The following ST6GAL1 variants were observed in gnomAD, a reference collection of about 807,000 sequenced individuals.
ST6GAL1 encodes ST6 beta-galactoside alpha-2,6-sialyltransferase 1, also known as beta-galactoside alpha-2,6-sialyltransferase 1.
Under a neutral mutation model 38.0 loss-of-function variants are expected in ST6GAL1, and 20 were observed. The observed-to-expected ratio is 0.53, with a 90% CI of 0.37 to 0.77. The LOEUF is 0.77. ST6GAL1 is among the 30% of genes least tolerant of loss of function. The pLI is 0.00. For missense variants in ST6GAL1, 432 were observed against 496.4 expected (o/e 0.87, Z 1.23); for synonymous variants, 196 against 188.2 (o/e 1.04, Z -0.34).
chr3:187,074,426 T>A, intron 7 of ST6GAL1, 93 bp downstream of exon 7: 1 of 1,341,546 alleles, frequency 7.5e-7, no homozygotes, highest in Non-Finnish European at 9.9e-7. Flanking sequence ...CGTTTGTTCA[T>A]TTGTTCACTA....
rs371335262 is a variant in ST6GAL1, at chr3:187,021,612, C to T, written c.-182-17130C>T. Among the ~76,000 whole-genome samples the T allele has an allele frequency of 2.1e-3, 316 of 151,702 alleles. 4 individuals are homozygous for T. The highest frequency in any genetic ancestry group is 7.3e-3 in the African/African-American group (302 of 41,370). ...AAAATTAGCCGGGTGTGATGGTGGG[C>T]GCCTGTAATCCCAGCTACTCGGGAG... is the stretch of plus-strand genomic sequence containing the variant. On this transcript the variant is annotated intron_variant, in intron 2 of 7. Transcript: ENST00000169298.
chr3:187,071,738 C>T lies in ST6GAL1; in HGVS notation c.706-1111C>T, dbSNP rs566908996. 4.0e-4 allele frequency among the ~76,000 whole-genome samples: 53 copies of T among 132,200 alleles called. No individual in the cohort carries two copies. The South Asian group carries it at 9.6e-3, about 24-fold the overall frequency. 86.7% of individuals were successfully genotyped at this position (132,200 alleles called of 152,430 possible). On this transcript the variant is annotated intron_variant, in intron 5 of 7. Coordinates refer to ENST00000169298, the MANE Select transcript of ST6GAL1 (RefSeq NM_173216.2). ...TCACGCCACTGCACTCCAGCCTGGGCGACACAGGCTGTGTCGCCTTTTTTT... is the reference window on the plus strand; with the variant it reads ...TCACGCCACTGCACTCCAGCCTGGGTGACACAGGCTGTGTCGCCTTTTTTT...
intron 5 of ST6GAL1, among the ~76,000 whole-genome samples, chr3:187,066,156 A>G (rs1579378492): frequency 1.3e-5 from 2 of 152,014 alleles, no homozygotes; most frequent in Admixed American, 6.6e-5. Context: ...TTTTGATGGA[A>G]CCCCTGCCAT....
chr3:187,003,454 C>A (rs534219269), intron 2 of ST6GAL1, among the ~76,000 whole-genome samples: 18 of 152,168 alleles, frequency 1.2e-4, no homozygotes, highest in Non-Finnish European at 2.4e-4. Context: ...ATAAAATCAG[C>A]CATCACCATC....
At chr3:186,993,584 ATT>A (rs1716257177) in intron 2 of ST6GAL1, among the ~76,000 whole-genome samples, 1 of 133,242 alleles carries the variant, frequency 7.5e-6, no homozygotes, top group African/African-American at 2.5e-5. Flanking sequence ...TTATTTATTT[ATT>A]TATTTATTTA....
intron 2 of ST6GAL1, chr3:187,024,991 G>GTA (rs1717477828): frequency 7.2e-6 from 1 of 137,954 alleles, no homozygotes; most frequent in African/African-American, 2.7e-5. Flanking sequence ...CCTGGTGCGT[G>GTA]TGTGTGTGTG....
chr3:187,019,981 G>C lies in ST6GAL1; in HGVS notation c.-182-18761G>C, dbSNP rs569631326. On this transcript the variant is annotated intron_variant, in intron 2 of 7. Transcript: ENST00000169298. ...CCTGAGTAGAGGGACATAGGATGAA[G>C]AGCACTACCAGTTTGTTGGTTAGAA... Among the ~76,000 whole-genome samples the C allele has an allele frequency of 2.6e-5, 4 of 152,298 alleles. 1 individual carries two copies. In the East Asian group the frequency reaches 7.7e-4, roughly 29 times the overall value.
rs1242379345 is a variant in ST6GAL1, at chr3:187,077,116, C to T, written c.*1313C>T. 2 of 397,846 alleles carry T rather than the reference C, an allele frequency of 5.0e-6. No individual in the cohort carries two copies. The highest frequency in any genetic ancestry group is 2.1e-5 in the African/African-American group (1 of 48,606). The allele number at this position is 397,846 out of a possible 1,614,324, so 24.6% of individuals were successfully genotyped here. A position where few individuals can be genotyped will look rare whatever the true frequency, so the allele number is the denominator to read the frequency against. ...TAACGTCACTCTCAGAGGTCAGAACCTTGGAGATCAGAACTGATTCTCACC... is the reference window on the plus strand; with the variant it reads ...TAACGTCACTCTCAGAGGTCAGAACTTTGGAGATCAGAACTGATTCTCACC... On this transcript the variant is annotated 3_prime_UTR_variant, in exon 8 of 8. Coordinates refer to ENST00000169298, the MANE Select transcript of ST6GAL1 (RefSeq NM_173216.2).
intron 2 of ST6GAL1, among the ~76,000 whole-genome samples, chr3:186,990,260 C>G (rs1045671041): frequency 1.2e-4 from 18 of 152,254 alleles, no homozygotes; most frequent in Admixed American, 6.5e-5. Flanking sequence ...TCTCGAACTC[C>G]TGACCTCAAG....
chr3:187,060,404 A>G (rs1579372231), intron 5 of ST6GAL1, among the ~76,000 whole-genome samples: 1 of 152,028 alleles, frequency 6.6e-6, no homozygotes, highest in African/African-American at 2.4e-5. Flanking sequence ...CAGGTGATCC[A>G]CCTGCCTCAG....
At chr3:186,986,888 A>G (rs1420334391) in intron 2 of ST6GAL1, among the ~76,000 whole-genome samples, 1 of 152,194 alleles carries the variant, frequency 6.6e-6, no homozygotes. Flanking sequence ...TGGATTTTAT[A>G]GAAAGAATAG....
chr3:187,070,909 G>A (rs751567403), intron 5 of ST6GAL1, among the ~76,000 whole-genome samples: 9 of 152,168 alleles, frequency 5.9e-5, no homozygotes, highest in Non-Finnish European at 1.0e-4. Context: ...AAGGTAGACC[G>A]ACCACCAATA....
intron 3 of ST6GAL1, among the ~76,000 whole-genome samples, chr3:187,041,234 C>T (rs1042203992): frequency 6.6e-6 from 1 of 152,136 alleles, no homozygotes; most frequent in African/African-American, 2.4e-5. Flanking sequence ...AAGTGACCTG[C>T]CCAAGGTCAC....
chr3:187,058,921 G>C (rs9883086), intron 5 of ST6GAL1, among the ~76,000 whole-genome samples: 1 of 152,028 alleles, frequency 6.6e-6, no homozygotes, highest in African/African-American at 2.4e-5. Flanking sequence ...TATTACAGGC[G>C]TGAGCCATCG....
At chr3:186,989,548 G>A (rs1716079976) in intron 2 of ST6GAL1, among the ~76,000 whole-genome samples, 1 of 152,180 alleles carries the variant, frequency 6.6e-6, no homozygotes, top group Non-Finnish European at 1.5e-5. Flanking sequence ...CTGTGATGGT[G>A]TGTTGCTAGA....
chr3:186,973,156 C>T (rs772818439), intron 2 of ST6GAL1, among the ~76,000 whole-genome samples: 2 of 152,204 alleles, frequency 1.3e-5, no homozygotes, highest in Non-Finnish European at 2.9e-5. Context: ...CCACCTCAGC[C>T]TCCTGAGTAG....
chr3:187,036,096 G>A (rs929772824), intron 2 of ST6GAL1, among the ~76,000 whole-genome samples: 1 of 152,146 alleles, frequency 6.6e-6, no homozygotes, highest in Non-Finnish European at 1.5e-5. Context: ...GTGAGCAAAA[G>A]ATATGAACAG....
At chr3:187,001,471 A>G (rs1474139038) in intron 2 of ST6GAL1, among the ~76,000 whole-genome samples, 2 of 152,124 alleles carry the variant, frequency 1.3e-5, no homozygotes, top group African/African-American at 4.8e-5. Flanking sequence ...ACTGTTGTAA[A>G]CCTGGGTTTG....
chr3:187,072,646 G>T (rs922177411), intron 5 of ST6GAL1: 375 of 544,834 alleles, frequency 6.9e-4, no homozygotes, highest in East Asian at 2.8e-3. Flanking sequence ...CTAGTGGCTT[G>T]TGATAAATGT....
Sources: allele counts gnomAD v4.1 joint callset (sites outside exome capture counted in the v4.1 genomes callset), GRCh38; gene constraint gnomAD v4.1.1; transcripts MANE v1.5; gene names NCBI Gene and HGNC (gene_info 2026-07-23, HGNC 2026-07-21).